Variants in LHFPL5 observed in about 807,000 individuals in gnomAD.
LHFPL5 encodes the protein LHFPL tetraspan subfamily member 5, also known as LHFPL tetraspan subfamily member 5 protein.
A neutral mutation model predicts 18.7 loss-of-function variants in LHFPL5; 12 were observed. The ratio of observed to expected loss-of-function variants is 0.64; its 90% CI spans 0.41 to 1.04. The LOEUF is 1.04. LHFPL5 is among the 50% of genes least tolerant of loss of function. The pLI, the probability that LHFPL5 is intolerant of heterozygous loss-of-function variation, is 0.00. For missense variants in LHFPL5, 259 were observed against 292.1 expected, an observed-to-expected ratio of 0.89 and a Z score of 0.83; for synonymous variants, 111 against 120.2, an observed-to-expected ratio of 0.92 and a Z score of 0.50.
rs756967336 is a variant in LHFPL5, at chr6:35,806,065, G to T, written c.395G>T (p.Trp132Leu). Residue 132 changes from tryptophan (W) to leucine (L), a missense_variant, in exon 1 of 4, where the codon TGG becomes TTG. By Grantham distance (61) the Trp-to-Leu change is moderately conservative. Transcript: ENST00000360215. ...GCCACAGTCTATAAGATCTGTGCAT[G>T]GATGCAGCTGGCTGCGGGTAAGCAG... Reference protein sequence around the residue: ...NTATVYKICAWMQLAAATGLM... With the variant: ...NTATVYKICALMQLAAATGLM... The T allele has an allele frequency of 6.2e-7, 1 of 1,614,030 alleles. No individual in the cohort carries two copies.
intron 1 of LHFPL5, among the ~76,000 whole-genome samples, chr6:35,812,479 C>A (rs1326258460): frequency 6.6e-6 from 1 of 152,182 alleles, no homozygotes; most frequent in Admixed American, 6.5e-5. Context: ...CTCTGCTTCA[C>A]CCCAGCAAAG....
Position 35,823,388 on chromosome 6 carries a change from TACACACAC to T in LHFPL5, c.*453_*460del, listed in dbSNP as rs67626900. ...GATAGCATACACACACACATATATA[TACACACAC>T]ACACACACACACACACACACACACA... On this transcript the variant is annotated 3_prime_UTR_variant, in exon 4 of 4. Transcript: ENST00000360215. 4,804 of 103,752 alleles carry T rather than the reference TACACACAC, an allele frequency of 0.046. 116 individuals carry two copies. The highest frequency in any genetic ancestry group is 0.078 in the Middle Eastern group (19 of 244). 6.4% of individuals were successfully genotyped at this position (103,752 alleles called of 1,614,324 possible). A position where few individuals can be genotyped will look rare whatever the true frequency, so the allele number is the denominator to read the frequency against.
Position 35,819,475 on chromosome 6 carries a change from T to C in LHFPL5, c.*16+12T>C. On this transcript the variant is annotated intron_variant, in intron 3 of 3. Transcript: ENST00000360215. ...CAGCTGAAGGGTCGGTGAGTAATTC[T>C]ATGGGAGGGTGGTCTGCGTGCCCTT... 1 of 1,613,298 alleles carries C rather than the reference T, an allele frequency of 6.2e-7. No individual in the cohort carries two copies. The highest frequency in any genetic ancestry group is 8.5e-7 in the Non-Finnish European group (1 of 1,179,432).
chr6:35,808,050 C>A (rs1445629343), intron 1 of LHFPL5, among the ~76,000 whole-genome samples: 1 of 152,004 alleles, frequency 6.6e-6, no homozygotes, highest in Non-Finnish European at 1.5e-5. Context: ...GAGTTCCCAG[C>A]AAATCCCCTT....
intron 3 of LHFPL5, 108 bp from the exon 4 acceptor site, chr6:35,822,874 T>C (rs1768891677): frequency 6.6e-6 from 1 of 152,270 alleles, no homozygotes; most frequent in South Asian, 2.1e-4. Flanking sequence ...CCTCCCAAAG[T>C]GCTGGGATTA....
Position 35,805,399 on chromosome 6 carries a change from G to T in LHFPL5, c.-272G>T. On this transcript the variant is annotated 5_prime_UTR_variant, in exon 1 of 4. Coordinates refer to ENST00000360215, the MANE Select transcript of LHFPL5 (RefSeq NM_182548.4). This position sits in a 1 kb window ranked among gnomAD's most constrained non-coding sequence, Gnocchi z 4.3. Reference sequence around the variant, plus strand: ...GAGGGAGACGGGCAGGGCGGCGCCAGCAGGCCCTGGTGGGCTTGGGAGGAG... The same window carrying T: ...GAGGGAGACGGGCAGGGCGGCGCCATCAGGCCCTGGTGGGCTTGGGAGGAG... 1 of 459,900 alleles carries T rather than the reference G, an allele frequency of 2.2e-6. No individual in the cohort carries two copies. Among genetic ancestry groups the T allele is most frequent in the South Asian group, 2.6e-5 (1 of 38,350 alleles). 28.5% of individuals were successfully genotyped at this position (459,900 alleles called of 1,614,324 possible). A position where few individuals can be genotyped will look rare whatever the true frequency, so the allele number is the denominator to read the frequency against.
intron 3 of LHFPL5, among the ~76,000 whole-genome samples, chr6:35,822,489 G>A (rs1363305892): frequency 6.6e-6 from 1 of 151,938 alleles, no homozygotes; most frequent in African/African-American, 2.4e-5. Flanking sequence ...TTGATACATA[G>A]TTTTTTTGTT....
intron 2 of LHFPL5, among the ~76,000 whole-genome samples, chr6:35,815,952 A>T (rs1768751542): frequency 6.6e-6 from 1 of 152,152 alleles, no homozygotes; most frequent in Non-Finnish European, 1.5e-5. Flanking sequence ...TGGGTGGATC[A>T]TGAGGTCAAG....
chr6:35,810,942 C>T (rs2817027), intron 1 of LHFPL5, among the ~76,000 whole-genome samples: 7 of 151,880 alleles, frequency 4.6e-5, no homozygotes, highest in Admixed American at 2.6e-4. Context: ...CTTAGAACAA[C>T]GGTTTATGTA....
chr6:35,807,692 C>T (rs1768594352), intron 1 of LHFPL5, among the ~76,000 whole-genome samples: 1 of 152,118 alleles, frequency 6.6e-6, no homozygotes, highest in Non-Finnish European at 1.5e-5. Flanking sequence ...CACCCCCCAA[C>T]TATAGATGAG....
rs779841884 is a variant in LHFPL5 at position 35,805,915 on chromosome 6, GC to G, written c.250del (p.Leu84Ter). On this transcript the variant is annotated frameshift_variant, in exon 1 of 4. Coordinates refer to ENST00000360215, the MANE Select transcript of LHFPL5 (RefSeq NM_182548.4). LOFTEE classifies it high-confidence loss of function. The surrounding 1 kb of genome is among the most constrained non-coding windows in gnomAD (Gnocchi z 4.3). ...VLSSELICKG[G>X]PLDFSSIPSR... ...TCCTCCGAGCTCATCTGCAAGGGCG[GC>G]CCCCTAGACTTCTCCTCCATCCCCT... The G allele has an allele frequency of 3.7e-6, 6 of 1,614,072 alleles. No individual in the cohort carries two copies. The South Asian group carries it at 6.6e-5, about 18-fold the overall frequency.
chr6:35,808,576 T>C (rs988260135), intron 1 of LHFPL5, among the ~76,000 whole-genome samples: 126 of 105,598 alleles, frequency 1.2e-3, no homozygotes, highest in African/African-American at 4.7e-3. Context: ...TATATATATA[T>C]ATATATATAT....
rs928768845 is a variant in LHFPL5 at position 35,814,292 on chromosome 6, G to T, written c.413-254G>T. 1.3e-5 allele frequency among the ~76,000 whole-genome samples: 2 copies of T among 152,094 alleles called. No individual in the cohort carries two copies. Among genetic ancestry groups the T allele is most frequent in the African/African-American group, 4.8e-5 (2 of 41,412 alleles). ...GACCACCTGGTGTGGTGGCAGAGCCGGCCTGGGCTTAGGAGCTCAGCTCTG... is the reference window on the plus strand; with the variant it reads ...GACCACCTGGTGTGGTGGCAGAGCCTGCCTGGGCTTAGGAGCTCAGCTCTG... On this transcript the variant is annotated intron_variant, in intron 1 of 3. Transcript: ENST00000360215. This position sits in a 1 kb window ranked among gnomAD's most constrained non-coding sequence, Gnocchi z 4.2.
At chr6:35,813,989 G>C (rs9470106) in intron 1 of LHFPL5, among the ~76,000 whole-genome samples, 3 of 151,752 alleles carry the variant, frequency 2.0e-5, no homozygotes, top group African/African-American at 7.3e-5. Context: ...AGAGAACAGG[G>C]TTTCTCCATG....
chr6:35,814,583 T>C lies in LHFPL5; in HGVS notation c.450T>C (p.Asp150=), dbSNP rs1423035912. 4.3e-6 allele frequency: 7 copies of C among 1,614,118 alleles called. No individual in the cohort carries two copies. The highest frequency in any genetic ancestry group is 1.7e-5 in the Admixed American group (1 of 60,014). The change falls in exon 2 of 4, where the codon GAT becomes GAC. Residue 150 remains aspartate, a synonymous_variant. Coordinates refer to ENST00000360215, the MANE Select transcript of LHFPL5 (RefSeq NM_182548.4). The surrounding 1 kb of genome is among the most constrained non-coding windows in gnomAD (Gnocchi z 4.2). ...GLMIGCLVYP[D]GWDSSEVRRM... ...TGATTGGCTGCCTGGTCTACCCTGA[T>C]GGTTGGGACTCAAGTGAGGTGCGGC...
chr6:35,822,138 C>T (rs1768879526), intron 3 of LHFPL5, among the ~76,000 whole-genome samples: 1 of 152,028 alleles, frequency 6.6e-6, no homozygotes, highest in Non-Finnish European at 1.5e-5. Flanking sequence ...ATCCTCCTGC[C>T]TTAGCCTCCC....
At chr6:35,819,299 AATGAT>A in intron 2 of LHFPL5, 133 bp from the exon 3 acceptor site, 2 of 785,478 alleles carry the variant, frequency 2.5e-6, no homozygotes, top group Non-Finnish European at 4.5e-6. Flanking sequence ...CAAGCTGATA[AATGAT>A]ATGAACAAAA....
chr6:35,808,852 G>T (rs1252499811), intron 1 of LHFPL5, among the ~76,000 whole-genome samples: 1 of 151,834 alleles, frequency 6.6e-6, no homozygotes, highest in Non-Finnish European at 1.5e-5. Flanking sequence ...ACACTATCTG[G>T]GTAGAAAAGC....
chr6:35,821,447 C>CTT (rs1404295532), intron 3 of LHFPL5, among the ~76,000 whole-genome samples: 2 of 114,396 alleles, frequency 1.7e-5, no homozygotes, highest in African/African-American at 3.5e-5. Context: ...AGAGCATAAT[C>CTT]TTTGTGTGTG....
Sources: gnomAD v4.1 joint callset for allele counts (sites outside exome capture counted in the v4.1 genomes callset) on GRCh38, gnomAD v4.1.1 for gene constraint, Gnocchi (gnomAD v3.1) non-coding constraint, MANE v1.5 for transcripts, NCBI Gene and HGNC (gene_info 2026-07-23, HGNC 2026-07-21) for gene names.